RBFOX1: variants seen among roughly 807,000 people sequenced by gnomAD.
The protein encoded by RBFOX1 is RNA binding fox-1 homolog 1.
Under a neutral mutation model 57.7 loss-of-function variants are expected in RBFOX1, and 8 were observed. That is an observed-to-expected ratio of 0.14 (90% CI 0.08 to 0.25). RBFOX1 has a LOEUF of 0.25. RBFOX1 is among the 10% of genes least tolerant of loss of function. The probability of loss-of-function intolerance (pLI) is 1.00; values close to 1 mark genes in which losing one functional copy is unlikely to be tolerated. For missense variants in RBFOX1, 611 were observed against 548.5 expected (o/e 1.11, Z -1.14); for synonymous variants, 326 against 222.4 (o/e 1.47, Z -4.15).
chr16:6,424,771 A>C (rs2093878422), intron 2 of RBFOX1, among the ~76,000 whole-genome samples: 1 of 152,196 alleles, frequency 6.6e-6, no homozygotes, highest in African/African-American at 2.4e-5. Context: ...TCCTCTTCTA[A>C]GATGAAATGA....
At chr16:5,836,389 G>A (rs763688494) in intron 3 of RBFOX1, among the ~76,000 whole-genome samples, 16 of 152,162 alleles carry the variant, frequency 1.1e-4, no homozygotes, top group Non-Finnish European at 2.1e-4. Flanking sequence ...ACATCTGGGA[G>A]CATGATCCTC....
At chr16:6,563,386 C>T (rs899791183) in intron 2 of RBFOX1, among the ~76,000 whole-genome samples, 4 of 152,168 alleles carry the variant, frequency 2.6e-5, no homozygotes, top group African/African-American at 7.2e-5. Flanking sequence ...CTTATTATTA[C>T]CCTCATTTAT....
intron 4 of RBFOX1, among the ~76,000 whole-genome samples, chr16:5,909,370 G>T (rs2058556203): frequency 6.6e-6 from 1 of 152,042 alleles, no homozygotes; most frequent in South Asian, 2.1e-4. Context: ...GGGATTACAG[G>T]CGTGAGCCAC....
chr16:7,113,861 C>T (rs1055841250), intron 4 of RBFOX1, among the ~76,000 whole-genome samples: 1 of 152,106 alleles, frequency 6.6e-6, no homozygotes, highest in Non-Finnish European at 1.5e-5. Context: ...CACAGTTACT[C>T]ACAATGGCAC....
intron 3 of RBFOX1, among the ~76,000 whole-genome samples, chr16:6,739,553 T>G (rs939500118): frequency 6.9e-6 from 1 of 144,948 alleles, no homozygotes; most frequent in Non-Finnish European, 1.5e-5. Flanking sequence ...TTAAAACATT[T>G]AACACCAATT....
Position 6,601,093 on chromosome 16 carries a change from A to C in RBFOX1, c.-63-53510A>C, listed in dbSNP as rs201341469. On this transcript the variant is annotated intron_variant, in intron 2 of 15. Transcript: ENST00000550418. ...AGACCAGAAATTATAGAGTAGCAAC[A>C]GCTTAGGGATTTAAGTAACCCCTTT... 2.6e-5 allele frequency among the ~76,000 whole-genome samples: 4 copies of C among 152,246 alleles called. No individual in the cohort carries two copies. The East Asian group carries it at 7.7e-4, about 29-fold the overall frequency.
At chr16:7,435,174 GC>G (rs2098712223) in intron 4 of RBFOX1, among the ~76,000 whole-genome samples, 1 of 151,810 alleles carries the variant, frequency 6.6e-6, no homozygotes, top group African/African-American at 2.4e-5. Context: ...ACAATTAATT[GC>G]CATGTCTTCT....
rs2056366634 is a variant in RBFOX1, at chr16:5,833,873, A to G, written c.319-33430A>G. On this transcript the variant is annotated intron_variant, in intron 3 of 19. Coordinates refer to the RBFOX1 transcript ENST00000641259. ...ATGCATCATGTACTATTTGGAAGCA[A>G]TAAAGAATTCGTGCATATACTACTC... 2.0e-5 allele frequency among the ~76,000 whole-genome samples: 3 copies of G among 152,224 alleles called. No individual in the cohort carries two copies. In the South Asian group the frequency reaches 6.2e-4, roughly 31 times the overall value.
intron 4 of RBFOX1, among the ~76,000 whole-genome samples, chr16:7,279,384 C>T (rs781548364): frequency 1.1e-4 from 16 of 152,142 alleles, no homozygotes; most frequent in Non-Finnish European, 2.1e-4. Flanking sequence ...TGGGGCTTTG[C>T]TCTTGAATTC....
chr16:6,224,988 C>T (rs1446735253), intron 1 of RBFOX1, among the ~76,000 whole-genome samples: 4 of 140,376 alleles, frequency 2.8e-5, no homozygotes, highest in African/African-American at 8.0e-5. Flanking sequence ...CATTACACTC[C>T]AGCCTGGGCA....
At chr16:5,974,020 T>C (rs999132042) in intron 4 of RBFOX1, among the ~76,000 whole-genome samples, 1 of 152,222 alleles carries the variant, frequency 6.6e-6, no homozygotes, top group Non-Finnish European at 1.5e-5. Flanking sequence ...CATTTCCTCA[T>C]TTGTAAAATA....
At chr16:6,655,038 C>G (rs764749804) in intron 3 of RBFOX1, among the ~76,000 whole-genome samples, 2 of 151,534 alleles carry the variant, frequency 1.3e-5, no homozygotes, top group East Asian at 3.9e-4. Flanking sequence ...TAATATTAGG[C>G]TTCCCAGGGT....
intron 2 of RBFOX1, among the ~76,000 whole-genome samples, chr16:6,401,523 T>C (rs2093067566): frequency 6.6e-6 from 1 of 152,166 alleles, no homozygotes; most frequent in Admixed American, 6.5e-5. Flanking sequence ...TTTATTTGGA[T>C]TTATAGGACT....
At chr16:6,064,458 G>C (rs2095731827) in intron 1 of RBFOX1, among the ~76,000 whole-genome samples, 1 of 152,182 alleles carries the variant, frequency 6.6e-6, no homozygotes, top group Non-Finnish European at 1.5e-5. Context: ...TGATTAAGTA[G>C]TACTCCAAGT....
chr16:6,213,729 A>C (rs772695114), intron 1 of RBFOX1, among the ~76,000 whole-genome samples: 7 of 152,232 alleles, frequency 4.6e-5, no homozygotes, highest in Non-Finnish European at 1.0e-4. Flanking sequence ...GAACCACCCC[A>C]ACTTGTATCC....
At chr16:6,992,499 C>G (rs79586396) in intron 3 of RBFOX1, among the ~76,000 whole-genome samples, 7,886 of 152,204 alleles carry the variant, frequency 0.052, 234 homozygotes, top group African/African-American at 0.071. Context: ...CAGGCGTGAG[C>G]TACTGCATCC....
At chr16:7,555,614 C>G (rs1049085093) in intron 5 of RBFOX1, among the ~76,000 whole-genome samples, 4 of 152,174 alleles carry the variant, frequency 2.6e-5, no homozygotes, top group Admixed American at 6.5e-5. Flanking sequence ...CGTCAGGTCT[C>G]TGACGTCATC....
At chr16:6,655,324 A>C (rs1365806889) in intron 3 of RBFOX1, among the ~76,000 whole-genome samples, 2 of 141,882 alleles carry the variant, frequency 1.4e-5, no homozygotes, top group Non-Finnish European at 3.0e-5. Context: ...CAGTGAGCCA[A>C]AATTGCACCA....
chr16:5,770,869 C>T (rs1357654076), intron 3 of RBFOX1, among the ~76,000 whole-genome samples: 1 of 152,212 alleles, frequency 6.6e-6, no homozygotes, highest in Non-Finnish European at 1.5e-5. Flanking sequence ...CACTCTTTTT[C>T]TCTGAGCTGA....
Sources: gnomAD v4.1 joint callset for allele counts (sites outside exome capture counted in the v4.1 genomes callset) on GRCh38, gnomAD v4.1.1 for gene constraint, MANE v1.5 for transcripts, NCBI Gene and HGNC (gene_info 2026-07-23, HGNC 2026-07-21) for gene names.